The following PTPRD variants were observed in gnomAD, a reference collection of about 807,000 sequenced individuals.
The protein encoded by PTPRD is receptor-type tyrosine-protein phosphatase delta.
A neutral mutation model predicts 214.5 loss-of-function variants in PTPRD; 34 were observed. The ratio of observed to expected loss-of-function variants is 0.16; its 90% CI spans 0.12 to 0.21. The LOEUF is 0.21. Among genes scored for constraint, PTPRD ranks in the 10% least tolerant of loss-of-function variants. The pLI, the probability that PTPRD is intolerant of heterozygous loss-of-function variation, is 1.00. For missense variants in PTPRD, 2,545 were observed against 2,398.7 expected, an observed-to-expected ratio of 1.06 and a Z score of -1.27; for synonymous variants, 1,128 against 845.7, an observed-to-expected ratio of 1.33 and a Z score of -5.79.
At chr9:9,251,731 G>T (rs2099975553) in intron 9 of PTPRD, among the ~76,000 whole-genome samples, 1 of 151,972 alleles carries the variant, frequency 6.6e-6, no homozygotes, top group Non-Finnish European at 1.5e-5. Context: ...GGGGTACTTT[G>T]TACATTTGAA....
chr9:8,782,998 T>G (rs966764437), intron 11 of PTPRD, among the ~76,000 whole-genome samples: 6 of 152,168 alleles, frequency 3.9e-5, no homozygotes, highest in African/African-American at 1.4e-4. Flanking sequence ...TTCTCTACCC[T>G]TGCAGTTTTT....
At position 8,486,322 on chromosome 9, in the gene PTPRD, T is replaced by A. The variant is rs762178621; in HGVS notation, c.2495A>T (p.Asn832Ile). 6.2e-7 allele frequency: 1 copy of A among 1,614,120 alleles called. No individual in the cohort carries two copies. The highest frequency in any genetic ancestry group is 8.5e-7 in the Non-Finnish European group (1 of 1,179,978). The change falls in exon 28 of 46, where the codon AAC (asparagine) becomes ATC (isoleucine). Residue 832 changes from asparagine to isoleucine, a missense_variant. By Grantham distance (149) the Asn-to-Ile change is moderately radical (BLOSUM62 -3). Coordinates refer to ENST00000381196, the MANE Select transcript of PTPRD (RefSeq NM_002839.4). Reference protein sequence around the residue: ...AVPGKPRLVINHTQMNTALIQ... With the variant: ...AVPGKPRLVIIHTQMNTALIQ... The stretch of plus-strand genomic sequence containing the variant: ...AAGAGCAGTATTCATCTGAGTGTGG[T>A]TAATCACAAGCCGAGGTTTCCCTGG...
chr9:9,797,020 CAT>C (rs1327574487), intron 5 of PTPRD, among the ~76,000 whole-genome samples: 1 of 152,040 alleles, frequency 6.6e-6, no homozygotes, highest in African/African-American at 2.4e-5. Context: ...GAAGATTGAA[CAT>C]AGTTTTCTGA....
At chr9:8,964,214 T>TTTTTTTTTTTTTTTTTA (rs1567273433) in intron 11 of PTPRD, among the ~76,000 whole-genome samples, 2 of 147,054 alleles carry the variant, frequency 1.4e-5, no homozygotes, top group Non-Finnish European at 3.0e-5. Flanking sequence ...TTTTTTTTTT[T>TTTTTTTTTTTTTTTTTA]TTTGCTGATT....
chr9:9,472,685 A>G lies in PTPRD; in HGVS notation c.-236-75203T>C, dbSNP rs10977799. Among the ~76,000 whole-genome samples the G allele has an allele frequency of 7.2e-5, 11 of 152,280 alleles. No individual in the cohort carries two copies. In the East Asian group the frequency reaches 1.9e-3, roughly 27 times the overall value. On this transcript the variant is annotated intron_variant, in intron 8 of 45. Transcript: ENST00000381196. ...GTTATCACTATAAAGCAGGTGTGTA[A>G]AACATCATTTTACACACTCCTGAAA...
At chr9:9,322,057 G>C (rs186446485) in intron 9 of PTPRD, among the ~76,000 whole-genome samples, 2 of 152,166 alleles carry the variant, frequency 1.3e-5, no homozygotes, top group East Asian at 3.9e-4. Flanking sequence ...ATTTCTCAAG[G>C]CCTGAATAGT....
At chr9:9,713,751 T>A (rs192415689) in intron 7 of PTPRD, among the ~76,000 whole-genome samples, 2 of 152,242 alleles carry the variant, frequency 1.3e-5, no homozygotes, top group Admixed American at 6.5e-5. Flanking sequence ...GAGAACAGAA[T>A]ATTGGTAGAA....
In PTPRD at chr9:9,069,605, C is replaced by T. The variant is rs528380810; in HGVS notation, c.-142-50870G>A. Among the ~76,000 whole-genome samples, 14 of 152,292 alleles carry T rather than the reference C, an allele frequency of 9.2e-5. No homozygotes were observed. In the South Asian group the frequency reaches 2.9e-3, roughly 32 times the overall value. ...CCTTGTATTGAGGCCTTCAAGCCAG[C>T]AAAGTTATAAACTCTTTTATTAAAT... On this transcript the variant is annotated intron_variant, in intron 10 of 45. Coordinates refer to ENST00000381196, the MANE Select transcript of PTPRD (RefSeq NM_002839.4).
At chr9:9,072,148 C>A (rs913896535) in intron 10 of PTPRD, among the ~76,000 whole-genome samples, 2 of 152,016 alleles carry the variant, frequency 1.3e-5, no homozygotes, top group African/African-American at 4.8e-5. Flanking sequence ...AACTGCATAA[C>A]AACATTTTAA....
intron 3 of PTPRD, among the ~76,000 whole-genome samples, chr9:10,081,811 G>A (rs1376722228): frequency 1.3e-5 from 2 of 151,914 alleles, no homozygotes; most frequent in Admixed American, 6.6e-5. Context: ...TTTTATTCGG[G>A]TTTTAAATTT....
intron 2 of PTPRD, among the ~76,000 whole-genome samples, chr9:10,581,992 C>T (rs74530216): frequency 0.034 from 5,164 of 152,112 alleles, 310 homozygotes; most frequent in African/African-American, 0.12. Flanking sequence ...TTCAAGGATT[C>T]CTGAATTCTG....
intron 11 of PTPRD, among the ~76,000 whole-genome samples, chr9:8,741,189 G>A (rs979864241): frequency 4.6e-5 from 7 of 151,410 alleles, no homozygotes; most frequent in South Asian, 2.1e-4. Context: ...GAGGTATGCC[G>A]TGAGAAATGA....
chr9:9,205,186 G>C (rs558805831), intron 9 of PTPRD, among the ~76,000 whole-genome samples: 8 of 152,238 alleles, frequency 5.3e-5, no homozygotes, highest in African/African-American at 1.7e-4. Context: ...AGAAACAGCA[G>C]GTAGGAAGAA....
chr9:8,633,530 A>C (rs928583386), intron 13 of PTPRD, 72 bp from the exon 14 acceptor site: 1 of 1,537,438 alleles, frequency 6.5e-7, no homozygotes, highest in Non-Finnish European at 8.8e-7. Flanking sequence ...CTCTCAATAC[A>C]GTGGTGGATC....
chr9:9,131,673 T>C (rs2099842845), intron 10 of PTPRD, among the ~76,000 whole-genome samples: 1 of 152,172 alleles, frequency 6.6e-6, no homozygotes, highest in Admixed American at 6.5e-5. Context: ...TTAATTGAAA[T>C]ATCAGTATAT....
intron 12 of PTPRD, among the ~76,000 whole-genome samples, chr9:8,675,333 A>G (rs1241616093): frequency 6.6e-6 from 1 of 152,062 alleles, no homozygotes; most frequent in African/African-American, 2.4e-5. Flanking sequence ...GTTTTATCAC[A>G]TATCCTGCAG....
intron 11 of PTPRD, among the ~76,000 whole-genome samples, chr9:8,959,967 C>G (rs530794654): frequency 3.3e-5 from 5 of 151,838 alleles, no homozygotes; most frequent in Admixed American, 1.3e-4. Flanking sequence ...TCTTTCTTTC[C>G]CCAGTCACAC....
intron 11 of PTPRD, among the ~76,000 whole-genome samples, chr9:8,762,910 C>T (rs745597293): frequency 1.3e-5 from 2 of 152,100 alleles, no homozygotes; most frequent in Non-Finnish European, 2.9e-5. Context: ...GAACATGCAT[C>T]GCCTACTCAT....
chr9:10,519,342 G>C (rs932141678), intron 2 of PTPRD, among the ~76,000 whole-genome samples: 2 of 144,116 alleles, frequency 1.4e-5, no homozygotes, highest in African/African-American at 2.6e-5. Flanking sequence ...CCATGCCCTA[G>C]ACATTTCATT....
Sources: gnomAD v4.1 joint callset for allele counts (sites outside exome capture counted in the v4.1 genomes callset) on GRCh38, gnomAD v4.1.1 for gene constraint, MANE v1.5 for transcripts, NCBI Gene and HGNC (gene_info 2026-07-23, HGNC 2026-07-21) for gene names.